EPB41L2: variants seen among roughly 807,000 people sequenced by gnomAD.
The protein encoded by EPB41L2 is erythrocyte membrane protein band 4.1 like 2, also known as band 4.1-like protein 2.
EPB41L2 carries 43 observed loss-of-function variants against 113.0 expected under a neutral mutation model. The observed-to-expected ratio is 0.38, with a 90% CI of 0.30 to 0.49. The LOEUF (loss-of-function observed/expected upper bound fraction) is 0.49, where lower values mean the gene tolerates loss of function less well. EPB41L2 is among the 20% of genes least tolerant of loss of function. The pLI is 0.95. For missense variants in EPB41L2, 1,147 were observed against 1,223.4 expected (o/e 0.94, Z 0.93); for synonymous variants, 442 against 436.7 (o/e 1.01, Z -0.15).
At chr6:131,032,834 C>A (rs1792473736) in intron 1 of EPB41L2, among the ~76,000 whole-genome samples, 1 of 152,070 alleles carries the variant, frequency 6.6e-6, no homozygotes, top group African/African-American at 2.4e-5. Context: ...ATTTAAAAAT[C>A]AAAGACTAAC....
chr6:130,843,781 G>T (rs1370204372), intron 19 of EPB41L2, among the ~76,000 whole-genome samples: 1 of 152,082 alleles, frequency 6.6e-6, no homozygotes, highest in Non-Finnish European at 1.5e-5. Flanking sequence ...GATCAATGTG[G>T]CTCAATTTCA....
intron 1 of EPB41L2, among the ~76,000 whole-genome samples, chr6:130,967,415 G>A (rs915093040): frequency 3.3e-5 from 5 of 152,142 alleles, no homozygotes; most frequent in African/African-American, 1.2e-4. Context: ...CCTCAGTGTG[G>A]ACTTGAAACA....
At position 130,869,700 on chromosome 6, in the gene EPB41L2, G is replaced by A; in HGVS notation, c.2470C>T (p.Pro824Ser). The A allele has an allele frequency of 6.2e-7, 1 of 1,614,054 alleles. No individual in the cohort carries two copies. The highest frequency in any genetic ancestry group is 8.5e-7 in the Non-Finnish European group (1 of 1,180,014). ...CCTTCGTGTACACTCTTCTCTCCGG[G>A]TATCTTTTGGGCACCTACATTTTCC... ...IQENVGAQKI[P>S]GEKSVHEGAL... Residue 824 changes from proline (P) to serine (S), a missense_variant, in exon 15 of 20, where the codon CCC (proline) becomes TCC (serine). Transcript: ENST00000337057.
In EPB41L2 at chr6:130,985,818, T is replaced by A. The variant is rs544864408; in HGVS notation, c.-14-29319A>T. Among the ~76,000 whole-genome samples the A allele has an allele frequency of 2.0e-5, 3 of 152,314 alleles. No individual in the cohort carries two copies. In the South Asian group the frequency reaches 6.2e-4, roughly 32 times the overall value. ...GCTCCTTGAAGATGTTTTTCTTTTG[T>A]TTTGCTTTTTTGGTAGCAGCTTGGA... On this transcript the variant is annotated intron_variant, in intron 1 of 19. Coordinates refer to ENST00000337057, the MANE Select transcript of EPB41L2 (RefSeq NM_001431.4).
chr6:130,848,195 TCTCTCACACACACACA>T (rs1408618999), intron 19 of EPB41L2, among the ~76,000 whole-genome samples: 1 of 110,692 alleles, frequency 9.0e-6, no homozygotes, highest in Non-Finnish European at 1.7e-5. Context: ...TCTCTCTCTC[TCTCTCACACACACACA>T]CACACACACA....
chr6:130,870,238 T>C, intron 14 of EPB41L2, 112 bp from the exon 15 acceptor site: 1 of 1,529,512 alleles, frequency 6.5e-7, no homozygotes, highest in Non-Finnish European at 8.9e-7. Flanking sequence ...ACAAAGATGA[T>C]TATGATGGCT....
chr6:130,841,888 C>T (rs893926067), intron 19 of EPB41L2, among the ~76,000 whole-genome samples: 1 of 152,146 alleles, frequency 6.6e-6, no homozygotes, highest in East Asian at 1.9e-4. Flanking sequence ...CAGAAGTCCA[C>T]AATCAAAGGT....
At chr6:131,040,839 C>T (rs1225259264) in intron 1 of EPB41L2, among the ~76,000 whole-genome samples, 2 of 145,778 alleles carry the variant, frequency 1.4e-5, no homozygotes, top group Non-Finnish European at 3.1e-5. Flanking sequence ...GAATTTAGAT[C>T]TAAATTCTAC....
intron 1 of EPB41L2, among the ~76,000 whole-genome samples, chr6:130,964,228 G>A (rs1298666479): frequency 1.3e-5 from 2 of 152,002 alleles, no homozygotes; most frequent in Non-Finnish European, 2.9e-5. Context: ...CACCATGTTG[G>A]CCTGGCTGGT....
At chr6:130,868,937 T>C (rs1389804840) in intron 15 of EPB41L2, 8 of 152,406 alleles carry the variant, frequency 5.2e-5, no homozygotes, top group African/African-American at 1.9e-4. Context: ...TCTGGCTGCC[T>C]GGAAGAAAAG....
intron 11 of EPB41L2, 86 bp from the exon 12 acceptor site, chr6:130,885,354 A>C: frequency 7.8e-7 from 1 of 1,289,980 alleles, no homozygotes; most frequent in Non-Finnish European, 1.1e-6. Flanking sequence ...GGAGATAAAC[A>C]GGCAGCATAT....
At chr6:130,888,823 A>G (rs1371599043) in intron 11 of EPB41L2, among the ~76,000 whole-genome samples, 1 of 152,206 alleles carries the variant, frequency 6.6e-6, no homozygotes, top group African/African-American at 2.4e-5. Context: ...CATTTCCACA[A>G]TTCTGGAAAT....
At chr6:130,925,674 A>C (rs1804491872) in intron 4 of EPB41L2, among the ~76,000 whole-genome samples, 1 of 152,184 alleles carries the variant, frequency 6.6e-6, no homozygotes, top group South Asian at 2.1e-4. Context: ...TCTCTTTTGC[A>C]GCTTTTAGGA....
chr6:130,997,619 C>T (rs761723861), intron 1 of EPB41L2, among the ~76,000 whole-genome samples: 1 of 152,132 alleles, frequency 6.6e-6, no homozygotes, highest in East Asian at 1.9e-4. Flanking sequence ...CAGCACAAGG[C>T]GGACAGGGAC....
At chr6:130,994,974 C>CCCT (rs1782732627) in intron 1 of EPB41L2, among the ~76,000 whole-genome samples, 1 of 152,118 alleles carries the variant, frequency 6.6e-6, no homozygotes, top group African/African-American at 2.4e-5. Context: ...TGTCCCACCC[C>CCCT]ACCTTTCCAG....
chr6:130,872,807 C>T (rs778244788), intron 14 of EPB41L2, among the ~76,000 whole-genome samples: 14 of 152,148 alleles, frequency 9.2e-5, no homozygotes, highest in Non-Finnish European at 1.9e-4. Context: ...TGAGCACAAC[C>T]GACCCACCCA....
At chr6:130,990,686 T>C (rs554881230) in intron 1 of EPB41L2, among the ~76,000 whole-genome samples, 13 of 152,314 alleles carry the variant, frequency 8.5e-5, no homozygotes, top group African/African-American at 3.1e-4. Flanking sequence ...GTGCTTTGTT[T>C]AGTGCAAGAG....
At chr6:130,928,663 G>C (rs1002268343) in intron 3 of EPB41L2, among the ~76,000 whole-genome samples, 1 of 152,222 alleles carries the variant, frequency 6.6e-6, no homozygotes, top group African/African-American at 2.4e-5. Flanking sequence ...ACAAGATTAA[G>C]AGGAAAAAAC....
At chr6:130,842,994 T>A (rs1018274359) in intron 19 of EPB41L2, among the ~76,000 whole-genome samples, 1 of 141,648 alleles carries the variant, frequency 7.1e-6, no homozygotes, top group Non-Finnish European at 1.5e-5. Context: ...TCTCATTCTT[T>A]AAAAATCAGT....
Sources: gnomAD v4.1 joint callset for allele counts (sites outside exome capture counted in the v4.1 genomes callset) on GRCh38, gnomAD v4.1.1 for gene constraint, MANE v1.5 for transcripts, NCBI Gene and HGNC (gene_info 2026-07-23, HGNC 2026-07-21) for gene names.